Variants in MAF observed in about 807,000 individuals in gnomAD.
The protein encoded by MAF is MAF bZIP transcription factor.
MAF carries 10 observed loss-of-function variants against 22.0 expected under a neutral mutation model. The ratio of observed to expected loss-of-function variants is 0.45; its 90% CI spans 0.28 to 0.77. MAF has a LOEUF of 0.77. MAF is among the 30% of genes least tolerant of loss of function. The pLI, the probability that MAF is intolerant of heterozygous loss-of-function variation, is 0.12. For missense variants in MAF, 544 were observed against 548.4 expected, an observed-to-expected ratio of 0.99 and a Z score of 0.08; for synonymous variants, 337 against 255.8, an observed-to-expected ratio of 1.32 and a Z score of -3.03.
chr16:79,412,269 G>A, the MAF span, among the ~76,000 whole-genome samples: 1 of 152,138 alleles, frequency 6.6e-6, no homozygotes, highest in Non-Finnish European at 1.5e-5. Flanking sequence ...CAGATAAAGG[G>A]CCAGTTGACA....
At chr16:79,389,286 G>C in the MAF span, among the ~76,000 whole-genome samples, 34 of 152,272 alleles carry the variant, frequency 2.2e-4, no homozygotes, top group African/African-American at 7.2e-4. Context: ...TTATGAGACA[G>C]AGTCTCACTC....
At chr16:79,422,004 C>A in the MAF span, among the ~76,000 whole-genome samples, 1 of 152,168 alleles carries the variant, frequency 6.6e-6, no homozygotes, top group Non-Finnish European at 1.5e-5. Flanking sequence ...TCTCGAACTC[C>A]TGAACTCAGG....
the MAF span, among the ~76,000 whole-genome samples, chr16:79,362,880 T>A: frequency 2.6e-5 from 4 of 152,226 alleles, no homozygotes; most frequent in Non-Finnish European, 5.9e-5. Flanking sequence ...ATCTTTTAAG[T>A]TAAAGCAAAA....
the MAF span, among the ~76,000 whole-genome samples, chr16:79,299,621 T>C: frequency 9.8e-4 from 149 of 151,966 alleles, 2 homozygotes; most frequent in Non-Finnish European, 1.7e-3. Flanking sequence ...ATTCCAGGCA[T>C]AAAAAGTGAG....
At chr16:79,234,021 G>A in the MAF span, among the ~76,000 whole-genome samples, 5 of 150,528 alleles carry the variant, frequency 3.3e-5, no homozygotes, top group African/African-American at 2.4e-5. Flanking sequence ...TAAGTGTATA[G>A]AATGGGTAAG....
chr16:79,295,542 C>T, the MAF span, among the ~76,000 whole-genome samples: 2 of 152,230 alleles, frequency 1.3e-5, no homozygotes, highest in Admixed American at 6.5e-5. Context: ...TGTCTGTTTA[C>T]ACCTCCACTT....
At chr16:79,261,645 G>A in the MAF span, among the ~76,000 whole-genome samples, 8 of 152,236 alleles carry the variant, frequency 5.3e-5, no homozygotes, top group Admixed American at 2.6e-4. Context: ...ACACTGCAGA[G>A]GGACGGCCTG....
chr16:79,260,475 A>ATATCTATATC, the MAF span, among the ~76,000 whole-genome samples: 1 of 149,714 alleles, frequency 6.7e-6, no homozygotes, highest in African/African-American at 2.5e-5. Context: ...ATCTATATCT[A>ATATCTATATC]TATCTATATC....
the MAF span, among the ~76,000 whole-genome samples, chr16:79,262,637 C>T: frequency 1.3e-5 from 2 of 152,084 alleles, no homozygotes; most frequent in Non-Finnish European, 1.5e-5. Flanking sequence ...CCCAGAGGGA[C>T]GAGCTGGGCT....
chr16:79,462,865 A>G, the MAF span, among the ~76,000 whole-genome samples: 11 of 152,336 alleles, frequency 7.2e-5, no homozygotes, highest in African/African-American at 2.6e-4. Context: ...CTGTATTTTT[A>G]CGGGGGAAAT....
chr16:79,438,314 C>G, the MAF span, among the ~76,000 whole-genome samples: 4 of 152,114 alleles, frequency 2.6e-5, no homozygotes, highest in Non-Finnish European at 4.4e-5. Context: ...CAGAGGCACC[C>G]GTTTGGAGGT....
At chr16:79,488,341 C>T in the MAF span, among the ~76,000 whole-genome samples, 1 of 152,186 alleles carries the variant, frequency 6.6e-6, no homozygotes, top group Non-Finnish European at 1.5e-5. Context: ...CCTCTCCTCT[C>T]ACCCCCTTAC....
At chr16:79,386,743 A>G in the MAF span, among the ~76,000 whole-genome samples, 10 of 152,176 alleles carry the variant, frequency 6.6e-5, no homozygotes, top group African/African-American at 2.4e-4. Flanking sequence ...GGGGTCGTGG[A>G]AGTCTCTGAG....
the MAF span, among the ~76,000 whole-genome samples, chr16:79,478,431 C>T: frequency 6.6e-6 from 1 of 152,176 alleles, no homozygotes; most frequent in Non-Finnish European, 1.5e-5. Flanking sequence ...AGCCTACAGT[C>T]ATCCATGGCT....
chr16:79,413,230 T>G, the MAF span, among the ~76,000 whole-genome samples: 1 of 28,034 alleles, frequency 3.6e-5, no homozygotes, highest in African/African-American at 1.2e-4. Flanking sequence ...TTTTTTTTTT[T>G]TTTTTTTTTT....
chr16:79,440,904 A>C, the MAF span, among the ~76,000 whole-genome samples: 1 of 152,210 alleles, frequency 6.6e-6, no homozygotes, highest in Non-Finnish European at 1.5e-5. Flanking sequence ...AAAGCTGTGC[A>C]CACTTCCCAG....
the MAF span, among the ~76,000 whole-genome samples, chr16:79,548,908 A>G: frequency 6.6e-6 from 1 of 152,196 alleles, no homozygotes; most frequent in Admixed American, 6.5e-5. Context: ...TACACAAAAA[A>G]TAAAAGAAGG....
At chr16:79,500,557 A>G in the MAF span, among the ~76,000 whole-genome samples, 1 of 151,940 alleles carries the variant, frequency 6.6e-6, no homozygotes, top group Non-Finnish European at 1.5e-5. Flanking sequence ...TCTTCACACC[A>G]CGGTAGAGAT....
the MAF span, among the ~76,000 whole-genome samples, chr16:79,216,409 G>C: frequency 6.6e-6 from 1 of 152,150 alleles, no homozygotes; most frequent in Non-Finnish European, 1.5e-5. Context: ...ATGATGGTTT[G>C]ACTTATGATT....
Sources: allele counts gnomAD v4.1 joint callset (sites outside exome capture counted in the v4.1 genomes callset), GRCh38; gene constraint gnomAD v4.1.1; transcripts MANE v1.5; gene names NCBI Gene and HGNC (gene_info 2026-07-23, HGNC 2026-07-21).